RNF217: variants seen among roughly 807,000 people sequenced by gnomAD.
RNF217 encodes the protein E3 ubiquitin-protein ligase RNF217.
Under a neutral mutation model 57.8 loss-of-function variants are expected in RNF217, and 31 were observed. The ratio of observed to expected loss-of-function variants is 0.54; its 90% CI spans 0.40 to 0.72. RNF217 has a LOEUF of 0.72. Among genes scored for constraint, RNF217 ranks in the 30% least tolerant of loss-of-function variants. RNF217 has a pLI of 0.00. For synonymous variants in RNF217, 313 were observed against 294.0 expected (o/e 1.06, Z -0.66); for missense variants, 696 against 708.3 (o/e 0.98, Z 0.20).
intron 1 of RNF217, among the ~76,000 whole-genome samples, chr6:124,987,956 G>A (rs888645386): frequency 3.9e-5 from 6 of 152,108 alleles, no homozygotes; most frequent in South Asian, 2.1e-4. Context: ...TTCCAAAGCC[G>A]TTAGATTAAG....
At chr6:125,045,892 G>A (rs1787079621) in intron 2 of RNF217, among the ~76,000 whole-genome samples, 1 of 151,882 alleles carries the variant, frequency 6.6e-6, no homozygotes, top group African/African-American at 2.4e-5. Flanking sequence ...TATATGCTAG[G>A]CAGTGTGCTA....
intron 1 of RNF217, among the ~76,000 whole-genome samples, chr6:124,982,026 CAAA>C (rs373182508): frequency 1.7e-5 from 1 of 58,370 alleles, no homozygotes; most frequent in Admixed American, 2.0e-4. Flanking sequence ...GACTCTGTCT[CAAA>C]AAAAAAAAAA....
chr6:125,053,304 G>T (rs1012186475), intron 2 of RNF217, among the ~76,000 whole-genome samples: 1 of 151,940 alleles, frequency 6.6e-6, no homozygotes, highest in African/African-American at 2.4e-5. Context: ...ATTTTTTTCT[G>T]CCTACAATCA....
At chr6:124,972,965 G>T (rs1275587850) in intron 1 of RNF217, among the ~76,000 whole-genome samples, 1 of 152,074 alleles carries the variant, frequency 6.6e-6, no homozygotes, top group Non-Finnish European at 1.5e-5. Context: ...TTATTAATCT[G>T]TTTTTTACTA....
chr6:125,054,750 A>G (rs1390813517), intron 2 of RNF217, among the ~76,000 whole-genome samples: 1 of 152,154 alleles, frequency 6.6e-6, no homozygotes, highest in East Asian at 1.9e-4. Flanking sequence ...AAACTTTAGG[A>G]TGCATACAAA....
At chr6:124,976,369 A>G (rs916176749) in intron 1 of RNF217, among the ~76,000 whole-genome samples, 3 of 149,332 alleles carry the variant, frequency 2.0e-5, no homozygotes, top group Non-Finnish European at 4.4e-5. Context: ...CCTGGGTTCA[A>G]GCAATTCTCC....
chr6:125,024,960 A>T (rs984850260), intron 1 of RNF217, among the ~76,000 whole-genome samples: 1 of 152,274 alleles, frequency 6.6e-6, no homozygotes, highest in East Asian at 1.9e-4. Flanking sequence ...CCTCAGAAAG[A>T]TTAACCAATG....
intron 1 of RNF217, among the ~76,000 whole-genome samples, chr6:124,974,016 C>T (rs1413457063): frequency 1.3e-5 from 2 of 152,162 alleles, no homozygotes; most frequent in African/African-American, 4.8e-5. Flanking sequence ...CCCACATGGC[C>T]TTGACAACAT....
At chr6:124,998,784 C>T (rs1447845270) in intron 1 of RNF217, among the ~76,000 whole-genome samples, 4 of 152,102 alleles carry the variant, frequency 2.6e-5, no homozygotes, top group East Asian at 1.9e-4. Flanking sequence ...GGCAACAGAG[C>T]GAGACTCTGT....
At position 125,088,777 on chromosome 6, in the gene RNF217, T is replaced by G. The variant is rs1788850503; in HGVS notation, c.*5840T>G. ...ATCTAACTTTGTATCACTTAAATTATTCAGACTTACTAAGATAAAAAATAC... is the reference window on the plus strand; with the variant it reads ...ATCTAACTTTGTATCACTTAAATTAGTCAGACTTACTAAGATAAAAAATAC... On this transcript the variant is annotated 3_prime_UTR_variant, in exon 6 of 6. Coordinates refer to ENST00000521654, the MANE Select transcript of RNF217 (RefSeq NM_001286398.3). The G allele has an allele frequency of 6.6e-6, 1 of 152,308 alleles. No individual in the cohort carries two copies. The highest frequency in any genetic ancestry group is 1.5e-5 in the Non-Finnish European group (1 of 68,020). 9.4% of individuals were successfully genotyped at this position (152,308 alleles called of 1,614,324 possible).
chr6:125,036,718 C>G (rs537500086), intron 1 of RNF217, among the ~76,000 whole-genome samples: 5 of 151,956 alleles, frequency 3.3e-5, no homozygotes, highest in Non-Finnish European at 7.4e-5. Context: ...TGAACAGACA[C>G]TTCTCAAAAG....
chr6:125,006,574 T>G (rs1785187600), intron 1 of RNF217, among the ~76,000 whole-genome samples: 1 of 152,258 alleles, frequency 6.6e-6, no homozygotes, highest in Non-Finnish European at 1.5e-5. Flanking sequence ...CATACTATTC[T>G]GAGCAAATAT....
intron 1 of RNF217, among the ~76,000 whole-genome samples, chr6:124,968,243 T>A (rs1266734764): frequency 6.6e-6 from 1 of 152,154 alleles, no homozygotes; most frequent in Non-Finnish European, 1.5e-5. Context: ...AAGAATAATA[T>A]GAGACTGAAA....
At chr6:125,040,817 A>G (rs571338551) in intron 1 of RNF217, among the ~76,000 whole-genome samples, 3 of 152,282 alleles carry the variant, frequency 2.0e-5, no homozygotes, top group Non-Finnish European at 4.4e-5. Flanking sequence ...TGTAATCATA[A>G]TCACATAAAC....
intron 3 of RNF217, among the ~76,000 whole-genome samples, chr6:125,072,007 T>C (rs1290211464): frequency 6.6e-6 from 1 of 152,202 alleles, no homozygotes; most frequent in African/African-American, 2.4e-5. Context: ...CAAAATGAAC[T>C]TTCTGTAAAT....
intron 1 of RNF217, among the ~76,000 whole-genome samples, chr6:124,967,565 T>G (rs943580887): frequency 6.6e-6 from 1 of 152,186 alleles, no homozygotes; most frequent in African/African-American, 2.4e-5. Context: ...GCATATAACT[T>G]GGAATGTATA....
chr6:124,990,620 G>T (rs934189453), intron 1 of RNF217, among the ~76,000 whole-genome samples: 2 of 152,102 alleles, frequency 1.3e-5, no homozygotes, highest in African/African-American at 4.8e-5. Flanking sequence ...GTGATTGTTA[G>T]ATCTACCTTT....
chr6:125,079,141 G>A (rs9482594), intron 4 of RNF217, among the ~76,000 whole-genome samples: 16,240 of 152,152 alleles, frequency 0.11, 908 homozygotes, highest in Non-Finnish European at 0.12. Flanking sequence ...TGCTCAGCTA[G>A]AGATCAGAGG....
chr6:124,987,182 C>T (rs146358711), intron 1 of RNF217, among the ~76,000 whole-genome samples: 15 of 152,306 alleles, frequency 9.8e-5, no homozygotes, highest in African/African-American at 3.1e-4. Context: ...GGAAGCTCCT[C>T]AGTTGCACAG....
Sources: allele counts gnomAD v4.1 joint callset (sites outside exome capture counted in the v4.1 genomes callset), GRCh38; gene constraint gnomAD v4.1.1; transcripts MANE v1.5; gene names NCBI Gene and HGNC (gene_info 2026-07-23, HGNC 2026-07-21).